Variants in CFAP46 observed in about 807,000 individuals in gnomAD.
CFAP46 encodes cilia and flagella associated protein 46.
Under a neutral mutation model 325.7 loss-of-function variants are expected in CFAP46, and 245 were observed. The ratio of observed to expected loss-of-function variants is 0.75; its 90% confidence interval spans 0.68 to 0.84. The LOEUF (loss-of-function observed/expected upper bound fraction) is 0.84. Ranked by LOEUF, CFAP46 falls within the 40% of genes least tolerant of loss-of-function variation. CFAP46 has a pLI of 0.00. For synonymous variants in CFAP46, 1,523 were observed against 1,495.9 expected, an observed-to-expected ratio of 1.02 and a Z score of -0.42; for missense variants, 3,346 against 3,543.0, an observed-to-expected ratio of 0.94 and a Z score of 1.41.
At chr10:132,921,232 G>A (rs1849718440) in intron 13 of CFAP46, among the ~76,000 whole-genome samples, 1 of 152,226 alleles carries the variant, frequency 6.6e-6, no homozygotes, top group Non-Finnish European at 1.5e-5. Context: ...CACTGAGCTG[G>A]AGGGAGGCCT....
Position 132,929,771 on chromosome 10 carries a change from G to A in CFAP46, c.900C>T (p.Ser300=). ...MLLLFELARF[S]LTLKCMEISS... ...AGATCTCCATGCATTTCAAGGTCAA[G>A]GAAAAACGCGCCAATTCAAAAAGCA... The change falls in exon 9 of 58, where the codon TCC becomes TCT. Residue 300 remains serine (S), a synonymous_variant. Coordinates refer to ENST00000368586, the MANE Select transcript of CFAP46 (RefSeq NM_001200049.3). The A allele has an allele frequency of 1.2e-6, 2 of 1,610,562 alleles. No individual in the cohort carries two copies. The highest frequency in any genetic ancestry group is 1.7e-6 in the Non-Finnish European group (2 of 1,177,390).
Position 132,850,176 on chromosome 10 carries a change from G to A in CFAP46, c.5952+68C>T, listed in dbSNP as rs746526558. On this transcript the variant is annotated intron_variant, in intron 41 of 57. Coordinates refer to ENST00000368586, the MANE Select transcript of CFAP46 (RefSeq NM_001200049.3). ...CAATCACAGGAGTCCTAAACACTTCGCTTGTGTTTTTCAGGCACGGGTGAC... is the reference window on the plus strand; with the variant it reads ...CAATCACAGGAGTCCTAAACACTTCACTTGTGTTTTTCAGGCACGGGTGAC... 8.2e-6 allele frequency: 12 copies of A among 1,464,576 alleles called. No homozygotes were observed. In the African/African-American group the frequency reaches 8.4e-5, roughly 10 times the overall value. The allele number at this position is 1,464,576 out of a possible 1,614,324, so 90.7% of individuals were successfully genotyped here.
intron 26 of CFAP46, 112 bp downstream of exon 26, chr10:132,885,709 G>A: frequency 1.3e-6 from 1 of 757,648 alleles, no homozygotes; most frequent in Non-Finnish European, 1.8e-6. Context: ...CACCCCCGGT[G>A]GGGATGCAGT....
chr10:132,876,688 A>T lies in CFAP46; in HGVS notation c.4362+124T>A. On this transcript the variant is annotated intron_variant, in intron 31 of 57. Transcript: ENST00000368586. This position sits in a 1 kb window ranked among gnomAD's most constrained non-coding sequence, Gnocchi z 4.1. ...AGGGCCTGTGGGAGGCTGGGGGCTGATGGGACTCTGTCCTGTCCTCCTTTT... is the reference window on the plus strand; with the variant it reads ...AGGGCCTGTGGGAGGCTGGGGGCTGTTGGGACTCTGTCCTGTCCTCCTTTT... The T allele has an allele frequency of 1.2e-5, 12 of 1,019,786 alleles. No homozygotes were observed. The highest frequency in any genetic ancestry group is 5.4e-5 in the South Asian group (3 of 55,340). 63.2% of individuals were successfully genotyped at this position (1,019,786 alleles called of 1,614,324 possible).
rs1564807179 is a variant in CFAP46 at position 132,938,760 on chromosome 10, CGCGAGCAGAGGAAG to C, written c.372-21_372-8del. ...GTACACCAAAAAGTAGTACCTGCGG[CGCGAGCAGAGGAAG>C]CAGAGAGCACGCTCAAAGCCCAGCC... On this transcript the variant is annotated splice_polypyrimidine_tract_variant and splice_region_variant and intron_variant, in intron 4 of 57. Transcript: ENST00000368586. 6.2e-7 allele frequency: 1 copy of C among 1,609,414 alleles called. No individual in the cohort carries two copies.
rs1848977565 is a variant in CFAP46, at chr10:132,877,811, G to C, written c.4212+70C>G. 1 of 1,510,432 alleles carries C rather than the reference G, an allele frequency of 6.6e-7. No homozygotes were observed. Among genetic ancestry groups the C allele is most frequent in the Non-Finnish European group, 9.0e-7 (1 of 1,117,138 alleles). 93.6% of individuals were successfully genotyped at this position (1,510,432 alleles called of 1,614,324 possible). On this transcript the variant is annotated intron_variant, in intron 30 of 57. Transcript: ENST00000368586. This position sits in a 1 kb window ranked among gnomAD's most constrained non-coding sequence, Gnocchi z 5.7. ...CGCCTGGGGCTCCTCCGAGAACCCT[G>C]ACAGGCAGGGAAACTGAGGCACAGG...
At chr10:132,811,126 G>T in intron 55 of CFAP46, 95 bp from the exon 56 acceptor site, 1 of 1,039,604 alleles carries the variant, frequency 9.6e-7, no homozygotes, top group Non-Finnish European at 1.4e-6. Flanking sequence ...CAAGGGCGCA[G>T]CAGGGCATGG....
At position 132,879,545 on chromosome 10, in the gene CFAP46, G is replaced by A. The variant is rs781456529; in HGVS notation, c.3886C>T (p.Arg1296Trp). The change falls in exon 29 of 58, where the codon CGG becomes TGG. Residue 1296 changes from arginine to tryptophan, a missense_variant. Transcript: ENST00000368586. ...ACGCGGGCCAGCGCCTCCAGCTGCC[G>A]CACGCTACGCAGCTGCTCCAAGGAC... ...AVSLEQLRSV[R>W]QLEALARVHI... 7.8e-6 allele frequency: 12 copies of A among 1,547,052 alleles called. No individual in the cohort carries two copies. Among genetic ancestry groups the A allele is most frequent in the Middle Eastern group, 2.0e-4 (1 of 5,124 alleles).
Position 132,919,523 on chromosome 10 carries a change from C to T in CFAP46, c.1731-81G>A. On this transcript the variant is annotated intron_variant, in intron 14 of 57. Coordinates refer to ENST00000368586, the MANE Select transcript of CFAP46 (RefSeq NM_001200049.3). This position sits in a 1 kb window ranked among gnomAD's most constrained non-coding sequence, Gnocchi z 9.7. Reference sequence around the variant, plus strand: ...AGTTAGAAAACACCTGGGCTGGCTGCCTGAGAAAAGGCCACTGTGGCTCTG... The same window carrying T: ...AGTTAGAAAACACCTGGGCTGGCTGTCTGAGAAAAGGCCACTGTGGCTCTG... 1.4e-6 allele frequency: 2 copies of T among 1,476,284 alleles called. No individual in the cohort carries two copies. Among genetic ancestry groups the T allele is most frequent in the Non-Finnish European group, 1.8e-6 (2 of 1,111,526 alleles). The allele number at this position is 1,476,284 out of a possible 1,614,324, so 91.4% of individuals were successfully genotyped here. A position where few individuals can be genotyped will look rare whatever the true frequency, so the allele number is the denominator to read the frequency against.
chr10:132,887,532 CTCTCCCCT>C (rs1849168721), intron 25 of CFAP46, among the ~76,000 whole-genome samples: 1 of 108,228 alleles, frequency 9.2e-6, no homozygotes, highest in African/African-American at 3.6e-5. Context: ...CTCCTCTCTC[CTCTCCCCT>C]CTTCTCTCCT....
At position 132,904,644 on chromosome 10, in the gene CFAP46, G is replaced by A. The variant is rs189368476; in HGVS notation, c.2924+3824C>T. 1.0e-3 allele frequency among the ~76,000 whole-genome samples: 153 copies of A among 152,332 alleles called. 1 individual carries two copies. Among genetic ancestry groups the A allele is most frequent in the African/African-American group, 3.5e-3 (145 of 41,578 alleles). ...ACATCCTCCTGTTGTGTGCCGCTCT[G>A]CCCTCCACACTTGGGGAAGTAATTG... On this transcript the variant is annotated intron_variant, in intron 22 of 57. Transcript: ENST00000368586.
chr10:132,926,584 T>A lies in CFAP46; in HGVS notation c.1049A>T (p.Asn350Ile), dbSNP rs118132336. 79,385 of 1,535,428 alleles carry A rather than the reference T, an allele frequency of 0.052. 2,411 individuals carry two copies. Among genetic ancestry groups the A allele is most frequent in the Middle Eastern group, 0.11 (688 of 5,990 alleles). ...AGGACTGACCTCAACAGCCGCTCGG[T>A]TGTACACTTTCATCTTACTTTCAAG... ...LRLESKMKVY[N>I]RAAVEAQLDI... Residue 350 changes from asparagine to isoleucine, a missense_variant, in exon 10 of 58, where the codon AAC becomes ATC. Transcript: ENST00000368586.
intron 9 of CFAP46, 90 bp downstream of exon 9, chr10:132,929,615 G>A (rs1309040599): frequency 8.0e-7 from 1 of 1,251,152 alleles, no homozygotes; most frequent in Non-Finnish European, 1.2e-6. Context: ...GCCGTGGCCT[G>A]GTGAACTGCT....
At chr10:132,838,855 A>C (rs1848307634) in intron 44 of CFAP46, among the ~76,000 whole-genome samples, 1 of 152,246 alleles carries the variant, frequency 6.6e-6, no homozygotes. Flanking sequence ...AGGGAGCCTC[A>C]GCTGCCCCCA....
At chr10:132,880,457 G>A (rs1413190341) in intron 28 of CFAP46, among the ~76,000 whole-genome samples, 1 of 152,242 alleles carries the variant, frequency 6.6e-6, no homozygotes, top group Non-Finnish European at 1.5e-5. Flanking sequence ...CAACTTTGGG[G>A]ATGGCTGAGG....
In CFAP46 at chr10:132,876,089, G is replaced by T. The variant is rs1006644563; in HGVS notation, c.4362+723C>A. 6.6e-6 allele frequency among the ~76,000 whole-genome samples: 1 copy of T among 152,256 alleles called. No homozygotes were observed. The highest frequency in any genetic ancestry group is 6.5e-5 in the Admixed American group (1 of 15,290). ...CACATCACAAAAGAGGACCTCCAAG[G>T]ATAGGAAGCACTGAAGGCCAACCTC... On this transcript the variant is annotated intron_variant, in intron 31 of 57. Transcript: ENST00000368586. This position sits in a 1 kb window ranked among gnomAD's most constrained non-coding sequence, Gnocchi z 4.1.
intron 50 of CFAP46, among the ~76,000 whole-genome samples, chr10:132,830,444 G>A (rs1410131068): frequency 6.6e-6 from 1 of 152,130 alleles, no homozygotes; most frequent in Non-Finnish European, 1.5e-5. Flanking sequence ...GCCCAGCCAA[G>A]GCTTTTTCTT....
rs1033849901 is a variant in CFAP46, at chr10:132,939,570, G to A, written c.372-817C>T. On this transcript the variant is annotated intron_variant, in intron 4 of 57. Coordinates refer to ENST00000368586, the MANE Select transcript of CFAP46 (RefSeq NM_001200049.3). This position sits in a 1 kb window ranked among gnomAD's most constrained non-coding sequence, Gnocchi z 4.6. ...CCAGGTGGGAGGAGGACACCAGGGTGGCTGTGGCAAGCCCACTCCTCTGAG... is the reference window on the plus strand; with the variant it reads ...CCAGGTGGGAGGAGGACACCAGGGTAGCTGTGGCAAGCCCACTCCTCTGAG... 7.9e-5 allele frequency among the ~76,000 whole-genome samples: 12 copies of A among 152,184 alleles called. No homozygotes were observed. The highest frequency in any genetic ancestry group is 1.5e-4 in the Non-Finnish European group (10 of 68,026).
At chr10:132,901,585 C>T (rs180748528) in intron 22 of CFAP46, among the ~76,000 whole-genome samples, 1 of 152,350 alleles carries the variant, frequency 6.6e-6, no homozygotes, top group African/African-American at 2.4e-5. Flanking sequence ...TGTGTTTCCA[C>T]TGCCCTGCAT....
Sources: gnomAD v4.1 joint callset for allele counts (sites outside exome capture counted in the v4.1 genomes callset) on GRCh38, gnomAD v4.1.1 for gene constraint, Gnocchi (gnomAD v3.1) non-coding constraint, MANE v1.5 for transcripts, NCBI Gene and HGNC (gene_info 2026-07-23, HGNC 2026-07-21) for gene names.